PTPN12: variants seen among roughly 807,000 people sequenced by gnomAD.
The protein encoded by PTPN12 is tyrosine-protein phosphatase non-receptor type 12.
In PTPN12, 29 loss-of-function variants were observed where a neutral mutation model predicts 97.6. The observed-to-expected ratio is 0.30, with a 90% CI of 0.22 to 0.41. PTPN12 has a LOEUF of 0.41. Ranked by LOEUF, PTPN12 falls within the 10% of genes least tolerant of loss-of-function variation. PTPN12 has a pLI of 1.00. For synonymous variants in PTPN12, 327 were observed against 300.4 expected, an observed-to-expected ratio of 1.09 and a Z score of -0.91; for missense variants, 819 against 926.0, an observed-to-expected ratio of 0.88 and a Z score of 1.50.
intron 6 of PTPN12, among the ~76,000 whole-genome samples, chr7:77,596,399 T>A (rs112579958): frequency 3.3e-4 from 50 of 150,456 alleles, no homozygotes; most frequent in South Asian, 1.3e-3. Flanking sequence ...TTTAAAAAAA[T>A]TTTTTTTTTA....
chr7:77,556,560 G>C (rs1807720801), intron 1 of PTPN12, among the ~76,000 whole-genome samples: 1 of 151,994 alleles, frequency 6.6e-6, no homozygotes, highest in Non-Finnish European at 1.5e-5. Flanking sequence ...AAGAAGAATG[G>C]AATATTCGGC....
At chr7:77,606,234 A>G (rs1232257111) in intron 8 of PTPN12, among the ~76,000 whole-genome samples, 2 of 152,218 alleles carry the variant, frequency 1.3e-5, no homozygotes, top group African/African-American at 2.4e-5. Context: ...GATTACAGGC[A>G]TGAGCCCCTG....
intron 1 of PTPN12, among the ~76,000 whole-genome samples, chr7:77,542,307 T>A (rs1807015873): frequency 6.6e-6 from 1 of 152,220 alleles, no homozygotes; most frequent in Non-Finnish European, 1.5e-5. Flanking sequence ...CCATCTCACC[T>A]TCTCCAGCCT....
Position 77,538,229 on chromosome 7 carries a change from G to A in PTPN12, c.99+584G>A, listed in dbSNP as rs191561536. On this transcript the variant is annotated intron_variant, in intron 1 of 17. Transcript: ENST00000248594. ...CGCTTGGGAAAGGATTGCCCATAAG[G>A]AATCTCATGGGTTTACCTAATTTCC... 8.5e-3 allele frequency: 3,393 copies of A among 400,604 alleles called. 22 individuals carry two copies. Among genetic ancestry groups the A allele is most frequent in the Non-Finnish European group, 0.011 (3,116 of 294,566 alleles). 24.8% of individuals were successfully genotyped at this position (400,604 alleles called of 1,614,324 possible).
At chr7:77,566,628 G>A (rs1015917358) in intron 1 of PTPN12, among the ~76,000 whole-genome samples, 5 of 152,176 alleles carry the variant, frequency 3.3e-5, no homozygotes, top group Admixed American at 6.5e-5. Context: ...GGACGCTGAG[G>A]TGGGAGAATC....
chr7:77,578,480 C>G (rs978196014), intron 2 of PTPN12, among the ~76,000 whole-genome samples: 2 of 152,156 alleles, frequency 1.3e-5, no homozygotes, highest in Admixed American at 6.5e-5. Context: ...TAATTTTCAC[C>G]AGAAGCAAGT....
At chr7:77,560,447 C>T (rs1000362992) in intron 1 of PTPN12, among the ~76,000 whole-genome samples, 2 of 152,066 alleles carry the variant, frequency 1.3e-5, no homozygotes, top group African/African-American at 2.4e-5. Context: ...AGTTCAATAG[C>T]GTTAAGTACA....
At chr7:77,570,655 T>C (rs953250534) in intron 1 of PTPN12, among the ~76,000 whole-genome samples, 3 of 152,268 alleles carry the variant, frequency 2.0e-5, no homozygotes, top group Non-Finnish European at 4.4e-5. Flanking sequence ...TATTAGCTTA[T>C]GCCTTGGGAG....
chr7:77,588,092 T>A (rs955081985), intron 5 of PTPN12, among the ~76,000 whole-genome samples: 33 of 152,224 alleles, frequency 2.2e-4, no homozygotes, highest in African/African-American at 7.5e-4. Context: ...TTTTTGTGTG[T>A]TTCCTGGAGT....
chr7:77,574,549 TTGTCACAAC>T (rs1787276361), intron 2 of PTPN12, among the ~76,000 whole-genome samples: 1 of 152,154 alleles, frequency 6.6e-6, no homozygotes, highest in Non-Finnish European at 1.5e-5. Flanking sequence ...AGAGATTTGG[TTGTCACAAC>T]TGGGGTATGG....
chr7:77,551,624 A>G (rs1266272427), intron 1 of PTPN12, among the ~76,000 whole-genome samples: 4 of 152,224 alleles, frequency 2.6e-5, no homozygotes, highest in African/African-American at 7.2e-5. Context: ...CCTTTCTTAA[A>G]AAGAGGCATC....
chr7:77,612,780 TTTTTTGG>T (rs1788613412), intron 11 of PTPN12, among the ~76,000 whole-genome samples: 1 of 150,850 alleles, frequency 6.6e-6, no homozygotes, highest in Non-Finnish European at 1.5e-5. Context: ...GTTTTTTTTG[TTTTTTGG>T]TTTTTGGTTT....
chr7:77,566,797 T>A lies in PTPN12; in HGVS notation c.100-4281T>A, dbSNP rs546991075. Among the ~76,000 whole-genome samples the A allele has an allele frequency of 9.2e-5, 14 of 152,280 alleles. No individual in the cohort carries two copies. The East Asian group carries it at 1.4e-3, about 15-fold the overall frequency. The stretch of plus-strand genomic sequence containing the variant: ...TTTGTTTGTTTTCTTAGCTTTTTTT[T>A]AAAAAGTCACACGATAAAGGGTGTG... On this transcript the variant is annotated intron_variant, in intron 1 of 17. Transcript: ENST00000248594.
Position 77,597,828 on chromosome 7 carries a change from T to C in PTPN12, c.493-14T>C. ...AACGTTTTCACTGACTTAGAAATGT[T>C]TCTCTTTATTTAGGAGGATGAACAA... On this transcript the variant is annotated splice_polypyrimidine_tract_variant and intron_variant, in intron 6 of 17. Coordinates refer to ENST00000248594, the MANE Select transcript of PTPN12 (RefSeq NM_002835.4). 6.2e-7 allele frequency: 1 copy of C among 1,604,298 alleles called. No individual in the cohort carries two copies. The highest frequency in any genetic ancestry group is 8.5e-7 in the Non-Finnish European group (1 of 1,176,422).
intron 1 of PTPN12, among the ~76,000 whole-genome samples, chr7:77,546,441 C>T (rs1016270674): frequency 3.3e-5 from 5 of 152,314 alleles, no homozygotes; most frequent in Admixed American, 2.6e-4. Flanking sequence ...GAGTTGAACT[C>T]CTCTTCCAGC....
chr7:77,550,420 A>G (rs1346920747), intron 1 of PTPN12, among the ~76,000 whole-genome samples: 3 of 152,124 alleles, frequency 2.0e-5, no homozygotes, highest in African/African-American at 7.2e-5. Flanking sequence ...TATAAAGTTA[A>G]TTTCTGAACA....
At chr7:77,546,112 A>G (rs1807210731) in intron 1 of PTPN12, among the ~76,000 whole-genome samples, 1 of 151,924 alleles carries the variant, frequency 6.6e-6, no homozygotes, top group African/African-American at 2.4e-5. Flanking sequence ...TTTTATTTTT[A>G]GTAGAGATGG....
intron 9 of PTPN12, among the ~76,000 whole-genome samples, 172 bp from the exon 10 acceptor site, chr7:77,610,593 A>G (rs995040255): frequency 6.6e-6 from 1 of 152,186 alleles, no homozygotes; most frequent in African/African-American, 2.4e-5. Context: ...GAGGGTCAAG[A>G]ACAGTTTTGT....
chr7:77,610,396 C>T (rs1042660540), intron 9 of PTPN12, among the ~76,000 whole-genome samples: 1 of 152,194 alleles, frequency 6.6e-6, no homozygotes, highest in African/African-American at 2.4e-5. Flanking sequence ...CTCAATTCCC[C>T]ACATAGATTA....
Sources: allele counts gnomAD v4.1 joint callset (sites outside exome capture counted in the v4.1 genomes callset), GRCh38; gene constraint gnomAD v4.1.1; transcripts MANE v1.5; gene names NCBI Gene and HGNC (gene_info 2026-07-23, HGNC 2026-07-21).